The following TMEM132C variants were observed in gnomAD, a reference collection of about 807,000 sequenced individuals.
The protein encoded by TMEM132C is transmembrane protein 132C.
Under a neutral mutation model 61.4 loss-of-function variants are expected in TMEM132C, and 29 were observed. That is an observed-to-expected ratio of 0.47 (90% confidence interval 0.35 to 0.64). The LOEUF (loss-of-function observed/expected upper bound fraction) is 0.64. Ranked by LOEUF, TMEM132C falls within the 30% of genes least tolerant of loss-of-function variation. The pLI is 0.00. For synonymous variants in TMEM132C, 656 were observed against 633.1 expected, an observed-to-expected ratio of 1.04 and a Z score of -0.54; for missense variants, 1,408 against 1,476.9, an observed-to-expected ratio of 0.95 and a Z score of 0.76.
At chr12:128,378,119 G>GTT (rs55959629) in intron 1 of TMEM132C, among the ~76,000 whole-genome samples, 5 of 145,362 alleles carry the variant, frequency 3.4e-5, no homozygotes, top group East Asian at 4.1e-4. Flanking sequence ...GTTTTTTTTT[G>GTT]TTTTTTTTTT....
intron 4 of TMEM132C, among the ~76,000 whole-genome samples, chr12:128,627,078 C>T (rs1954023964): frequency 6.6e-6 from 1 of 152,134 alleles, no homozygotes; most frequent in Non-Finnish European, 1.5e-5. Flanking sequence ...AGGCACCTCA[C>T]CTCCTCCTCC....
chr12:128,505,015 A>T (rs1042972969), intron 2 of TMEM132C, among the ~76,000 whole-genome samples: 1 of 114,166 alleles, frequency 8.8e-6, no homozygotes. Context: ...CTACGTAAAT[A>T]TGAACAAATC....
chr12:128,281,938 C>T (rs1002293680), intron 1 of TMEM132C, among the ~76,000 whole-genome samples: 6 of 152,220 alleles, frequency 3.9e-5, no homozygotes, highest in African/African-American at 1.4e-4. Flanking sequence ...ATAGTTCCTT[C>T]ATAAAAGGGA....
In TMEM132C at chr12:128,415,494, T is replaced by G. The variant is rs1868748905; in HGVS notation, c.848T>G (p.Leu283Arg). ...GLYRAQDSAQ[L>R]SELRLDGNVV... Reference sequence around the variant, plus strand: ...TACCGGGCCCAGGACAGCGCCCAGCTCAGCGAGCTGCGTTTGGATGGTAAC... The same window carrying G: ...TACCGGGCCCAGGACAGCGCCCAGCGCAGCGAGCTGCGTTTGGATGGTAAC... Residue 283 changes from leucine (L) to arginine (R), a missense_variant, in exon 2 of 9, where the codon CTC (leucine) becomes CGC (arginine). Leu to Arg is a moderately radical substitution (Grantham distance 102). Coordinates refer to ENST00000435159, the MANE Select transcript of TMEM132C (RefSeq NM_001136103.3). The surrounding 1 kb of genome is among the most constrained non-coding windows in gnomAD (Gnocchi z 5.8). 1.3e-6 allele frequency: 2 copies of G among 1,551,532 alleles called. No individual in the cohort carries two copies. The highest frequency in any genetic ancestry group is 1.7e-6 in the Non-Finnish European group (2 of 1,146,980).
chr12:128,280,891 C>T (rs1358733466), intron 1 of TMEM132C, among the ~76,000 whole-genome samples: 1 of 152,154 alleles, frequency 6.6e-6, no homozygotes, highest in African/African-American at 2.4e-5. Flanking sequence ...TCTAATTATC[C>T]AGGCCAGGGA....
At chr12:128,455,606 C>A (rs1283478130) in intron 2 of TMEM132C, among the ~76,000 whole-genome samples, 1 of 152,130 alleles carries the variant, frequency 6.6e-6, no homozygotes, top group African/African-American at 2.4e-5. Flanking sequence ...GCAGATTTTC[C>A]ACTACAAGTC....
At chr12:128,452,461 T>A (rs112183862) in intron 2 of TMEM132C, among the ~76,000 whole-genome samples, 1 of 149,634 alleles carries the variant, frequency 6.7e-6, no homozygotes, top group Non-Finnish European at 1.5e-5. Flanking sequence ...GGCTCACACC[T>A]GTAATCCCAA....
intron 1 of TMEM132C, among the ~76,000 whole-genome samples, chr12:128,354,034 G>C (rs905658292): frequency 2.6e-5 from 4 of 152,196 alleles, no homozygotes; most frequent in South Asian, 2.1e-4. Flanking sequence ...GGTCGATGAA[G>C]AAGAGAAGCA....
chr12:128,422,593 G>A (rs977096736), intron 2 of TMEM132C, among the ~76,000 whole-genome samples: 3 of 152,188 alleles, frequency 2.0e-5, no homozygotes, highest in Admixed American at 6.5e-5. Context: ...ATTATACTCT[G>A]CTGCTAACGT....
intron 1 of TMEM132C, among the ~76,000 whole-genome samples, chr12:128,349,108 A>G (rs934787596): frequency 6.6e-6 from 1 of 152,068 alleles, no homozygotes; most frequent in African/African-American, 2.4e-5. Context: ...GGTTCAAGTG[A>G]TTCTCCTGGC....
chr12:128,572,821 C>G (rs1874941244), intron 3 of TMEM132C, among the ~76,000 whole-genome samples: 1 of 152,274 alleles, frequency 6.6e-6, no homozygotes, highest in Non-Finnish European at 1.5e-5. Context: ...CTTCTTGAAG[C>G]CAGTGACTTG....
intron 1 of TMEM132C, among the ~76,000 whole-genome samples, chr12:128,269,637 G>T (rs796991377): frequency 1.6e-4 from 24 of 152,188 alleles, no homozygotes; most frequent in African/African-American, 5.3e-4. Context: ...AGTTCACCAC[G>T]TGATTTGGGG....
In TMEM132C at chr12:128,695,858, G is replaced by A. The variant is rs1413359208; in HGVS notation, c.1684G>A (p.Glu562Lys). Residue 562 changes from glutamate to lysine, a missense_variant, in exon 7 of 9, where the codon GAG becomes AAG. By Grantham distance (56) the Glu-to-Lys change is moderately conservative. Transcript: ENST00000435159. ...RPTRESEDED[E>K]EERRGRGCAL... is the part of the protein sequence containing the mutation. ...CACTCGTGAGAGCGAGGATGAGGAC[G>A]AGGAGGAGCGGCGGGGCCGGGGCTG... The A allele has an allele frequency of 5.8e-6, 9 of 1,550,292 alleles. No individual in the cohort carries two copies. The highest frequency in any genetic ancestry group is 2.7e-5 in the African/African-American group (2 of 73,048).
chr12:128,573,238 G>A (rs977517970), intron 3 of TMEM132C, among the ~76,000 whole-genome samples: 1 of 152,140 alleles, frequency 6.6e-6, no homozygotes, highest in African/African-American at 2.4e-5. Flanking sequence ...TTAAGAAAAT[G>A]TGGCACATAT....
chr12:128,579,052 G>A (rs1875233703), intron 3 of TMEM132C, among the ~76,000 whole-genome samples: 1 of 152,214 alleles, frequency 6.6e-6, no homozygotes, highest in Admixed American at 6.5e-5. Flanking sequence ...CCTGAAGCCT[G>A]TTCAGTGGAA....
intron 2 of TMEM132C, among the ~76,000 whole-genome samples, chr12:128,518,189 G>A (rs1388018684): frequency 6.6e-6 from 1 of 152,108 alleles, no homozygotes; most frequent in Non-Finnish European, 1.5e-5. Flanking sequence ...TGCATTTTCT[G>A]GGCCACTGAT....
chr12:128,327,115 G>A (rs926133694), intron 1 of TMEM132C, among the ~76,000 whole-genome samples: 1 of 150,062 alleles, frequency 6.7e-6, no homozygotes, highest in African/African-American at 2.5e-5. Context: ...CCCAGATGGA[G>A]TGATTTTAAT....
chr12:128,329,390 C>G (rs748883931), intron 1 of TMEM132C, among the ~76,000 whole-genome samples: 1 of 152,020 alleles, frequency 6.6e-6, no homozygotes, highest in Non-Finnish European at 1.5e-5. Flanking sequence ...CTTTGAGGAC[C>G]GAGGACTGCA....
chr12:128,501,863 C>A (rs1872192725), intron 2 of TMEM132C, among the ~76,000 whole-genome samples: 1 of 152,182 alleles, frequency 6.6e-6, no homozygotes, highest in Non-Finnish European at 1.5e-5. Context: ...GATTCTCAAC[C>A]ATTGCCTCCC....
Sources: allele counts gnomAD v4.1 joint callset (sites outside exome capture counted in the v4.1 genomes callset), GRCh38; gene constraint gnomAD v4.1.1; non-coding constraint Gnocchi (gnomAD v3.1); transcripts MANE v1.5; gene names NCBI Gene and HGNC (gene_info 2026-07-23, HGNC 2026-07-21).